The following STK26 variants were observed in gnomAD, a reference collection of about 807,000 sequenced individuals.
The protein encoded by STK26 is serine/threonine-protein kinase 26.
STK26 carries 14 observed loss-of-function variants against 34.7 expected under a neutral mutation model. The observed-to-expected ratio is 0.40, with a 90% CI of 0.27 to 0.63. The LOEUF is 0.63. STK26 is among the 30% of genes least tolerant of loss of function. The probability of loss-of-function intolerance (pLI) is 0.38; values close to 1 mark genes in which losing one functional copy is unlikely to be tolerated. For synonymous variants in STK26, 100 were observed against 109.8 expected (o/e 0.91, Z 0.56); for missense variants, 226 against 309.1 (o/e 0.73, Z 2.02).
rs1024127231 is a variant in STK26 at position 132,075,112 on chromosome X, T to C, written c.*953T>C. ...ATTTATATATTTTTGTTCTTCATAATTATCACTAATAAGCATCAGTTTGTT... is the reference window on the plus strand; with the variant it reads ...ATTTATATATTTTTGTTCTTCATAACTATCACTAATAAGCATCAGTTTGTT... On this transcript the variant is annotated 3_prime_UTR_variant, in exon 12 of 12. Coordinates refer to ENST00000394334, the MANE Select transcript of STK26 (RefSeq NM_016542.4). The C allele has an allele frequency of 7.1e-5, 8 of 112,103 alleles. No individual in the cohort carries two copies. The highest frequency in any genetic ancestry group is 1.5e-4 in the Non-Finnish European group (8 of 53,022). 9.2% of individuals were successfully genotyped at this position (112,103 alleles called of 1,213,427 possible).
chrX:132,060,044 A>G (rs928097439), intron 3 of STK26, among the ~76,000 whole-genome samples: 2 of 111,999 alleles, frequency 1.8e-5, no homozygotes, highest in East Asian at 2.8e-4. Flanking sequence ...TTAATATAAT[A>G]CACCTCTAAG....
chrX:132,023,447 C>T (rs769234372), intron 1 of STK26, 40 bp downstream of exon 1: 3 of 628,624 alleles, frequency 4.8e-6, no homozygotes, highest in Admixed American at 4.6e-5. Context: ...TAACAGCCCA[C>T]CTCCTAGCCC....
chrX:132,074,355 A>T lies in STK26; in HGVS notation c.*196A>T, dbSNP rs1927527166. 7.9e-6 allele frequency: 3 copies of T among 379,756 alleles called. No individual in the cohort carries two copies. The highest frequency in any genetic ancestry group is 1.5e-4 in the South Asian group (2 of 12,985). 31.3% of individuals were successfully genotyped at this position (379,756 alleles called of 1,213,427 possible). A position where few individuals can be genotyped will look rare whatever the true frequency, so the allele number is the denominator to read the frequency against. ...TTTTGAAAGGATTATTTTGTAAGGA[A>T]TAACTTTTAATACTATAGTTTCACC... On this transcript the variant is annotated 3_prime_UTR_variant, in exon 12 of 12. Coordinates refer to ENST00000394334, the MANE Select transcript of STK26 (RefSeq NM_016542.4).
At chrX:132,041,409 G>T (rs921452248) in intron 2 of STK26, among the ~76,000 whole-genome samples, 3 of 112,018 alleles carry the variant, frequency 2.7e-5, no homozygotes, top group African/African-American at 9.7e-5. Context: ...GTGAGGATTT[G>T]TTTGATGAAT....
intron 3 of STK26, among the ~76,000 whole-genome samples, chrX:132,057,929 A>T (rs1174030491): frequency 8.9e-6 from 1 of 111,920 alleles, no homozygotes; most frequent in Non-Finnish European, 1.9e-5. Context: ...ATGATGCACA[A>T]ATTAGTAAGT....
At chrX:132,050,355 A>T (rs975232355) in intron 2 of STK26, among the ~76,000 whole-genome samples, 2 of 112,327 alleles carry the variant, frequency 1.8e-5, no homozygotes, top group Non-Finnish European at 1.9e-5. Context: ...AAGAATATGT[A>T]TACAAAGTGT....
intron 4 of STK26, 125 bp from the exon 5 acceptor site, chrX:132,068,090 G>T: frequency 2.2e-6 from 1 of 457,174 alleles, no homozygotes; most frequent in Non-Finnish European, 3.5e-6. Flanking sequence ...TTAGATATTG[G>T]TTTGATAAAC....
intron 3 of STK26, among the ~76,000 whole-genome samples, chrX:132,062,955 A>AT (rs1927104174): frequency 9.0e-6 from 1 of 110,977 alleles, no homozygotes; most frequent in African/African-American, 3.3e-5. Flanking sequence ...TCTGTTCTTT[A>AT]TTTTTTTAAT....
At chrX:132,047,222 T>C (rs762490242) in intron 2 of STK26, among the ~76,000 whole-genome samples, 1 of 112,136 alleles carries the variant, frequency 8.9e-6, no homozygotes, top group East Asian at 2.8e-4. Context: ...ATCTGATAAC[T>C]TGTAGTATGA....
Position 132,072,249 on chromosome X carries a change from T to C in STK26, c.933-19T>C. Reference sequence around the variant, plus strand: ...AATCATTTGGGCACTTATAGAGGTATCTTTGGCAATCTCTTTAGGGAATCT... The same window carrying C: ...AATCATTTGGGCACTTATAGAGGTACCTTTGGCAATCTCTTTAGGGAATCT... On this transcript the variant is annotated intron_variant, in intron 8 of 11. Transcript: ENST00000394334. 1.7e-6 allele frequency: 2 copies of C among 1,163,948 alleles called. No individual in the cohort carries two copies. The highest frequency in any genetic ancestry group is 2.2e-5 in the Admixed American group (1 of 45,825).
At chrX:132,071,395 CAT>C (rs1253881768) in intron 8 of STK26, among the ~76,000 whole-genome samples, 178 bp downstream of exon 8, 1 of 112,102 alleles carries the variant, frequency 8.9e-6, no homozygotes, top group African/African-American at 3.2e-5. Context: ...GAGTTGGAAA[CAT>C]GTTTTTCTTG....
chrX:132,047,788 A>C (rs920823575), intron 2 of STK26, among the ~76,000 whole-genome samples: 17 of 112,209 alleles, frequency 1.5e-4, no homozygotes, highest in African/African-American at 4.9e-4. Context: ...ACAATTATTA[A>C]AAAATTGCAT....
intron 2 of STK26, 94 bp downstream of exon 2, chrX:132,023,753 A>G: frequency 9.5e-7 from 1 of 1,047,605 alleles, no homozygotes; most frequent in Non-Finnish European, 1.3e-6. Flanking sequence ...GGACGGCCCC[A>G]GGGCTCCCCT....
chrX:132,051,930 CT>C (rs759661277), intron 2 of STK26, among the ~76,000 whole-genome samples: 57 of 110,510 alleles, frequency 5.2e-4, no homozygotes, highest in Non-Finnish European at 9.7e-4. Flanking sequence ...TGCACTCATC[CT>C]TTTTTATGGC....
intron 2 of STK26, among the ~76,000 whole-genome samples, chrX:132,051,044 A>G (rs770753488): frequency 2.7e-5 from 3 of 111,769 alleles, no homozygotes; most frequent in East Asian, 5.6e-4. Context: ...GTTCTAATTT[A>G]TAGCCAGGAT....
Sources: gnomAD v4.1 joint callset for allele counts (sites outside exome capture counted in the v4.1 genomes callset) on GRCh38, gnomAD v4.1.1 for gene constraint, MANE v1.5 for transcripts, NCBI Gene and HGNC (gene_info 2026-07-23, HGNC 2026-07-21) for gene names.